Variants in TLN1 observed in about 807,000 individuals in gnomAD.
TLN1 encodes talin 1.
In TLN1, 56 loss-of-function variants were observed where a neutral mutation model predicts 292.3. The ratio of observed to expected loss-of-function variants is 0.19; its 90% CI spans 0.15 to 0.24. TLN1 has a LOEUF of 0.24. Among genes scored for constraint, TLN1 ranks in the 10% least tolerant of loss-of-function variants. The pLI, the probability that TLN1 is intolerant of heterozygous loss-of-function variation, is 1.00. For synonymous variants in TLN1, 1,119 were observed against 1,253.7 expected, an observed-to-expected ratio of 0.89 and a Z score of 2.27; for missense variants, 2,433 against 3,248.2, an observed-to-expected ratio of 0.75 and a Z score of 6.10.
rs768192201 is a variant in TLN1 at position 35,706,906 on chromosome 9, G to A, written c.4956-6C>T. On this transcript the variant is annotated splice_polypyrimidine_tract_variant and splice_region_variant and intron_variant, in intron 37 of 56. Coordinates refer to ENST00000314888, the MANE Select transcript of TLN1 (RefSeq NM_006289.4). This position sits in a 1 kb window ranked among gnomAD's most constrained non-coding sequence, Gnocchi z 4.2. ...GCTGCCCTGGAGCCTTGTCCCTGCA[G>A]ACACATCATGGGCTCCAACACCAAG... 1.2e-6 allele frequency: 2 copies of A among 1,613,566 alleles called. No homozygotes were observed. Among genetic ancestry groups the A allele is most frequent in the African/African-American group, 1.3e-5 (1 of 74,830 alleles).
At chr9:35,708,924 C>G (rs770827081) in intron 33 of TLN1, among the ~76,000 whole-genome samples, 3 of 152,162 alleles carry the variant, frequency 2.0e-5, no homozygotes, top group Non-Finnish European at 2.9e-5. Flanking sequence ...TAGGCTAATT[C>G]ACATTTATAG....
In TLN1 at chr9:35,706,664, AGCCT is replaced by A; in HGVS notation, c.5088+100_5088+103del. On this transcript the variant is annotated intron_variant, in intron 38 of 56. Transcript: ENST00000314888. The surrounding 1 kb of genome is among the most constrained non-coding windows in gnomAD (Gnocchi z 4.2). ...ACCCTAACCCTCCTTCGCACATCCC[AGCCT>A]TTGATGTCCCTAAGAAGCCACTCCT... 6.3e-6 allele frequency: 10 copies of A among 1,582,870 alleles called. No homozygotes were observed. The highest frequency in any genetic ancestry group is 8.6e-6 in the Non-Finnish European group (10 of 1,162,294).
Position 35,713,991 on chromosome 9 carries a change from C to T in TLN1, c.3211G>A (p.Ala1071Thr). ...EKDLQEVKAA[A>T]RDGKLKPLPG... is the part of the protein sequence containing the mutation. ...AAGGGTTTAAGCTTGCCATCTCGAG[C>T]TGCTGCCTTCACTTCCTGTAGATCT... Residue 1071 changes from alanine to threonine, a missense_variant, in exon 25 of 57, where the codon GCT (alanine) becomes ACT (threonine). Transcript: ENST00000314888. The T allele has an allele frequency of 6.2e-7, 1 of 1,614,204 alleles. No individual in the cohort carries two copies. The highest frequency in any genetic ancestry group is 8.5e-7 in the Non-Finnish European group (1 of 1,180,038).
At chr9:35,708,610 A>AC in intron 33 of TLN1, 126 bp from the exon 34 acceptor site, 31 of 899,852 alleles carry the variant, frequency 3.4e-5, no homozygotes, top group Non-Finnish European at 4.6e-5. Flanking sequence ...AGAGTTCTCC[A>AC]TGAGTGGAGA....
At chr9:35,727,968 T>C (rs1223626935) in intron 1 of TLN1, among the ~76,000 whole-genome samples, 1 of 152,190 alleles carries the variant, frequency 6.6e-6, no homozygotes, top group African/African-American at 2.4e-5. Context: ...AGAACAAGGC[T>C]GCTACAAGTA....
Position 35,706,573 on chromosome 9 carries a change from GC to G in TLN1, c.5089-23del. 5 of 1,611,626 alleles carry G rather than the reference GC, an allele frequency of 3.1e-6. No homozygotes were observed. The highest frequency in any genetic ancestry group is 4.2e-6 in the Non-Finnish European group (5 of 1,178,212). On this transcript the variant is annotated intron_variant, in intron 38 of 56. Transcript: ENST00000314888. This position sits in a 1 kb window ranked among gnomAD's most constrained non-coding sequence, Gnocchi z 4.2. The stretch of plus-strand genomic sequence containing the variant: ...AGGCCTGGGGAGGAAGTGGACATTA[GC>G]CCTGATGGTGACCTGCAATAGGACC...
intron 1 of TLN1, among the ~76,000 whole-genome samples, chr9:35,729,905 G>A (rs191745843): frequency 6.0e-4 from 91 of 152,286 alleles, no homozygotes; most frequent in Non-Finnish European, 1.1e-3. Flanking sequence ...TAGCCACTAG[G>A]GGCAGATGGG....
At position 35,704,873 on chromosome 9, in the gene TLN1, T is replaced by C. The variant is rs1357538644; in HGVS notation, c.5734-58A>G. On this transcript the variant is annotated intron_variant, in intron 43 of 56. Transcript: ENST00000314888. This position sits in a 1 kb window ranked among gnomAD's most constrained non-coding sequence, Gnocchi z 6.9. ...CAAGGGGCACTCAGGGTACCTTCAC[T>C]GTGCTTGGAAAAGTCACTAAGGACA... The C allele has an allele frequency of 2.5e-6, 4 of 1,569,910 alleles. No individual in the cohort carries two copies. Among genetic ancestry groups the C allele is most frequent in the South Asian group, 2.3e-5 (2 of 88,156 alleles).
chr9:35,711,901 G>C (rs1825676452), intron 28 of TLN1, 104 bp downstream of exon 28: 1 of 1,592,702 alleles, frequency 6.3e-7, no homozygotes. Context: ...TAATGAAAGG[G>C]GACAGATCTG....
chr9:35,729,971 G>A (rs972076886), intron 1 of TLN1, among the ~76,000 whole-genome samples: 3 of 152,198 alleles, frequency 2.0e-5, no homozygotes, highest in African/African-American at 7.2e-5. Context: ...GTAGAAAAAG[G>A]ATGAGAAGAC....
chr9:35,709,750 G>A (rs569829069), intron 33 of TLN1, among the ~76,000 whole-genome samples: 1 of 150,674 alleles, frequency 6.6e-6, no homozygotes, highest in Admixed American at 6.6e-5. Context: ...AGCCGGGCAT[G>A]GTGGCGCGCG....
Position 35,704,765 on chromosome 9 carries a change from G to A in TLN1, c.5784C>T (p.Ala1928=), listed in dbSNP as rs146690513. The A allele has an allele frequency of 6.8e-5, 109 of 1,614,066 alleles. 1 individual carries two copies. Among genetic ancestry groups the A allele is most frequent in the Middle Eastern group, 1.6e-4 (1 of 6,084 alleles). ...HRVQELGHGC[A]ALVTKAGALQ... is the part of the protein sequence containing the mutation. ...GGGCGCCTGCCTTGGTGACCAGAGCGGCACAGCCATGGCCCAGCTCCTGTA... is the reference window on the plus strand; with the variant it reads ...GGGCGCCTGCCTTGGTGACCAGAGCAGCACAGCCATGGCCCAGCTCCTGTA... Residue 1928 remains alanine (A), a synonymous_variant, in exon 44 of 57, where the codon GCC becomes GCT. Coordinates refer to ENST00000314888, the MANE Select transcript of TLN1 (RefSeq NM_006289.4). This position sits in a 1 kb window ranked among gnomAD's most constrained non-coding sequence, Gnocchi z 6.9.
At position 35,706,230 on chromosome 9, in the gene TLN1, A is replaced by G; in HGVS notation, c.5327T>C (p.Leu1776Pro). The change falls in exon 40 of 57, where the codon CTA (leucine) becomes CCA (proline). Residue 1776 changes from leucine to proline, a missense_variant. Leu to Pro is a moderately conservative substitution (Grantham distance 98). Transcript: ENST00000314888. This position sits in a 1 kb window ranked among gnomAD's most constrained non-coding sequence, Gnocchi z 4.2. Reference protein sequence around the residue: ...KTLAESALQLLYTAKEAGGNP... With the variant: ...KTLAESALQLPYTAKEAGGNP... ...ACCACCAGCCTCCTTGGCAGTGTAT[A>G]GCAACTGCAGGGCAGACTCTGCCAA... The G allele has an allele frequency of 6.2e-7, 1 of 1,611,198 alleles. No homozygotes were observed. The highest frequency in any genetic ancestry group is 8.5e-7 in the Non-Finnish European group (1 of 1,178,446).
intron 2 of TLN1, 107 bp from the exon 3 acceptor site, chr9:35,725,428 A>G: frequency 6.5e-7 from 1 of 1,534,850 alleles, no homozygotes; most frequent in East Asian, 2.3e-5. Flanking sequence ...GGGCCTAAAG[A>G]ACGAGGGAAC....
At chr9:35,723,728 T>A in intron 7 of TLN1, 1 of 575,002 alleles carries the variant, frequency 1.7e-6, no homozygotes. Context: ...CATGCTTGCT[T>A]CAGAGATGGG....
At chr9:35,716,880 C>T (rs1346513735) in intron 19 of TLN1, among the ~76,000 whole-genome samples, 1 of 152,126 alleles carries the variant, frequency 6.6e-6, no homozygotes, top group African/African-American at 2.4e-5. Context: ...ATACCACTTT[C>T]ATGTCACTTT....
chr9:35,713,848 G>A (rs1323691596), intron 25 of TLN1, 105 bp downstream of exon 25: 3 of 1,274,756 alleles, frequency 2.4e-6, no homozygotes, highest in Admixed American at 2.5e-5. Flanking sequence ...GAGAGAAAGA[G>A]AAAAAAGAAA....
chr9:35,700,631 A>AGAG (rs1443847300), intron 48 of TLN1, among the ~76,000 whole-genome samples: 2 of 152,222 alleles, frequency 1.3e-5, no homozygotes, highest in African/African-American at 4.8e-5. Flanking sequence ...GGTGAGAGGC[A>AGAG]GAGCTAGGCC....
At chr9:35,722,511 G>A (rs1171969763) in intron 8 of TLN1, among the ~76,000 whole-genome samples, 1 of 152,156 alleles carries the variant, frequency 6.6e-6, no homozygotes, top group Non-Finnish European at 1.5e-5. Context: ...TTCAGAGTGG[G>A]GGTAACACCT....
Sources: gnomAD v4.1 joint callset for allele counts (sites outside exome capture counted in the v4.1 genomes callset) on GRCh38, gnomAD v4.1.1 for gene constraint, Gnocchi (gnomAD v3.1) non-coding constraint, MANE v1.5 for transcripts, NCBI Gene and HGNC (gene_info 2026-07-23, HGNC 2026-07-21) for gene names.